The following UTP20 variants were observed in gnomAD, a reference collection of about 807,000 sequenced individuals.
The protein encoded by UTP20 is UTP20 small subunit processome component.
UTP20 carries 164 observed loss-of-function variants against 329.5 expected under a neutral mutation model. That is an observed-to-expected ratio of 0.50 (90% CI 0.44 to 0.57). UTP20 has a LOEUF of 0.57. UTP20 is among the 20% of genes least tolerant of loss of function. The probability of loss-of-function intolerance (pLI) is 0.00; values close to 1 mark genes in which losing one functional copy is unlikely to be tolerated. For missense variants in UTP20, 3,055 were observed against 3,284.2 expected (o/e 0.93, Z 1.71); for synonymous variants, 1,151 against 1,159.3 (o/e 0.99, Z 0.14).
chr12:101,370,284 A>C, intron 49 of UTP20, 148 bp from the exon 50 acceptor site: 1 of 976,750 alleles, frequency 1.0e-6, no homozygotes, highest in Non-Finnish European at 1.5e-6. Context: ...GTTATGGCCA[A>C]AATTTTTTCC....
intron 27 of UTP20, among the ~76,000 whole-genome samples, chr12:101,330,975 T>A (rs1350862350): frequency 6.6e-6 from 1 of 152,238 alleles, no homozygotes; most frequent in Non-Finnish European, 1.5e-5. Context: ...TTTATGTGCT[T>A]GAGCTCAGTT....
At chr12:101,348,174 T>C (rs1239897439) in intron 38 of UTP20, among the ~76,000 whole-genome samples, 1 of 152,186 alleles carries the variant, frequency 6.6e-6, no homozygotes, top group African/African-American at 2.4e-5. Context: ...ATTATGACTT[T>C]ACATTTAAGG....
intron 38 of UTP20, among the ~76,000 whole-genome samples, chr12:101,350,856 G>C (rs561767813): frequency 6.6e-6 from 1 of 152,192 alleles, no homozygotes; most frequent in African/African-American, 2.4e-5. Flanking sequence ...AAGACTCTAG[G>C]GGCTTGCTCT....
chr12:101,280,151 A>T lies in UTP20; in HGVS notation c.-132A>T, dbSNP rs746172358. On this transcript the variant is annotated 5_prime_UTR_variant, in exon 1 of 62. The change creates a new upstream start codon in the 5' untranslated region. Coordinates refer to ENST00000261637, the MANE Select transcript of UTP20 (RefSeq NM_014503.3). ...CAACATGGCGGCGCCCAGGGGCTCAAGCCGCACGTGAGAAAGTCTGGGCAT... is the reference window on the plus strand; with the variant it reads ...CAACATGGCGGCGCCCAGGGGCTCATGCCGCACGTGAGAAAGTCTGGGCAT... The T allele has an allele frequency of 1.6e-6, 2 of 1,224,102 alleles. No homozygotes were observed. The highest frequency in any genetic ancestry group is 1.5e-5 in the African/African-American group (1 of 64,848). 75.8% of individuals were successfully genotyped at this position (1,224,102 alleles called of 1,614,324 possible). A position where few individuals can be genotyped will look rare whatever the true frequency, so the allele number is the denominator to read the frequency against.
At chr12:101,380,275 G>T (rs1870598968) in intron 57 of UTP20, among the ~76,000 whole-genome samples, 1 of 152,016 alleles carries the variant, frequency 6.6e-6, no homozygotes, top group Non-Finnish European at 1.5e-5. Context: ...CTACTTGGGA[G>T]ACTTACATAG....
chr12:101,311,924 G>A (rs1347922312), intron 20 of UTP20, 112 bp from the exon 21 acceptor site: 1 of 1,559,372 alleles, frequency 6.4e-7, no homozygotes, highest in African/African-American at 1.4e-5. Flanking sequence ...ATAACTTTTG[G>A]GAGTGACATT....
chr12:101,336,358 A>AT (rs1868935041), intron 29 of UTP20, among the ~76,000 whole-genome samples: 1 of 152,180 alleles, frequency 6.6e-6, no homozygotes, highest in South Asian at 2.1e-4. Flanking sequence ...ATTAAAACAG[A>AT]TTTTTCATCT....
chr12:101,346,128 T>C (rs1869314957), intron 37 of UTP20, among the ~76,000 whole-genome samples: 2 of 152,146 alleles, frequency 1.3e-5, no homozygotes, highest in African/African-American at 4.8e-5. Flanking sequence ...CTCAGCTCAC[T>C]GTAACCTCCG....
Position 101,293,088 on chromosome 12 carries a change from C to T in UTP20, c.1174-80C>T, listed in dbSNP as rs75021058. On this transcript the variant is annotated intron_variant, in intron 10 of 61. Coordinates refer to ENST00000261637, the MANE Select transcript of UTP20 (RefSeq NM_014503.3). ...CACTGAGTGAAGTGTCCCTGCCATT[C>T]CCTTCTATAGCTGCTTGCTGGGGGG... is the stretch of plus-strand genomic sequence containing the variant. 1,656 of 1,412,786 alleles carry T rather than the reference C, an allele frequency of 1.2e-3. 13 individuals are homozygous for T. In the African/African-American group the frequency reaches 0.02, roughly 17 times the overall value. 87.5% of individuals were successfully genotyped at this position (1,412,786 alleles called of 1,614,324 possible).
In UTP20 at chr12:101,340,821, C is replaced by T. The variant is rs545522431; in HGVS notation, c.4101+211C>T. Among the ~76,000 whole-genome samples the T allele has an allele frequency of 1.6e-4, 25 of 152,084 alleles. No individual in the cohort carries two copies. In the East Asian group the frequency reaches 4.6e-3, roughly 28 times the overall value. ...GGGGCAGGCAAGAAAGCGGAGACAT[C>T]GTCATCTACAACAACAAAGTACTAG... On this transcript the variant is annotated intron_variant, in intron 32 of 61. Transcript: ENST00000261637.
In UTP20 at chr12:101,293,215, A is replaced by G. The variant is rs757902541; in HGVS notation, c.1221A>G (p.Glu407=). 2.1e-5 allele frequency: 34 copies of G among 1,614,000 alleles called. No homozygotes were observed. Among genetic ancestry groups the G allele is most frequent in the Admixed American group, 3.3e-5 (2 of 60,008 alleles). The part of the protein sequence containing the change: ...FEKRLIFSFS[E]VMFAMKQFEQ... ...AACGTTTAATTTTCAGTTTTTCTGA[A>G]GTCATGTTTGCCATGAAGCAGTTTG... is the stretch of plus-strand genomic sequence containing the variant. Residue 407 remains glutamate (E), a synonymous_variant, in exon 11 of 62, where the codon GAA becomes GAG. Transcript: ENST00000261637.
intron 2 of UTP20, 29 bp downstream of exon 2, chr12:101,281,225 C>T (rs1407257351): frequency 6.4e-7 from 1 of 1,568,570 alleles, no homozygotes; most frequent in Non-Finnish European, 8.8e-7. Flanking sequence ...AGTCAATCTT[C>T]AAGTGTTCAT....
intron 5 of UTP20, among the ~76,000 whole-genome samples, chr12:101,286,785 T>C (rs1384704200): frequency 6.6e-6 from 1 of 152,022 alleles, no homozygotes; most frequent in East Asian, 1.9e-4. Flanking sequence ...ATTAATAAAA[T>C]TTTGTACTCT....
chr12:101,281,599 T>A (rs993157920), intron 2 of UTP20, among the ~76,000 whole-genome samples: 2 of 152,158 alleles, frequency 1.3e-5, no homozygotes, highest in Admixed American at 1.3e-4. Flanking sequence ...GAAGCCCTTT[T>A]CCCGGGGCTT....
chr12:101,320,857 G>A lies in UTP20; in HGVS notation c.2835G>A (p.Leu945=), dbSNP rs1868356261. The A allele has an allele frequency of 6.2e-7, 1 of 1,609,894 alleles. No homozygotes were observed. The highest frequency in any genetic ancestry group is 8.5e-7 in the Non-Finnish European group (1 of 1,178,890). Reference sequence around the variant, plus strand: ...CTGTAAAATACTGTTCTTAGTTGTTGCTACACCAAGATCAAATGGTGCAAA... The same window carrying A: ...CTGTAAAATACTGTTCTTAGTTGTTACTACACCAAGATCAAATGGTGCAAA... ...SKLYELYLQL[L]LHQDQMVQKI... The change falls in exon 24 of 62, where the codon TTG becomes TTA. Residue 945 remains leucine (L), a synonymous_variant. Coordinates refer to ENST00000261637, the MANE Select transcript of UTP20 (RefSeq NM_014503.3).
intron 18 of UTP20, among the ~76,000 whole-genome samples, chr12:101,308,824 C>T (rs986138331): frequency 6.6e-6 from 1 of 151,898 alleles, no homozygotes; most frequent in African/African-American, 2.4e-5. Context: ...GCTCAGCCTC[C>T]CGGGTTCACA....
In UTP20 at chr12:101,355,091, C is replaced by T. The variant is rs775352523; in HGVS notation, c.5367C>T (p.Pro1789=). Residue 1789 remains proline (P), a synonymous_variant, in exon 41 of 62, where the codon CCC becomes CCT. Transcript: ENST00000261637. ...GAACCATAACCGGGGATATTCTCCC[C>T]AGGCTACATAAATGCCTTGCATCTA... ...IQGTITGDIL[P]RLHKCLASTT... The T allele has an allele frequency of 6.1e-5, 98 of 1,613,846 alleles. No individual in the cohort carries two copies. Among genetic ancestry groups the T allele is most frequent in the Admixed American group, 2.0e-4 (12 of 59,934 alleles).
intron 12 of UTP20, among the ~76,000 whole-genome samples, chr12:101,296,644 A>C (rs1872365536): frequency 1.3e-5 from 2 of 151,862 alleles, no homozygotes; most frequent in Non-Finnish European, 2.9e-5. Flanking sequence ...GGTACTGAGG[A>C]GGCTGAGGCA....
In UTP20 at chr12:101,355,007, T is replaced by G. The variant is rs1001825378; in HGVS notation, c.5283T>G (p.Pro1761=). 1.2e-6 allele frequency: 2 copies of G among 1,614,102 alleles called. No homozygotes were observed. Among genetic ancestry groups the G allele is most frequent in the Non-Finnish European group, 8.5e-7 (1 of 1,180,050 alleles). ...SAKESECITK[P]VSFLPQNKEE... is the part of the protein sequence containing the mutation. ...AAGAATCCGAGTGTATCACAAAGCC[T>G]GTCTCTTTCCTTCCTCAAAACAAGG... The change falls in exon 41 of 62, where the codon CCT becomes CCG. Residue 1761 remains proline (P), a synonymous_variant. Transcript: ENST00000261637.
Sources: allele counts gnomAD v4.1 joint callset (sites outside exome capture counted in the v4.1 genomes callset), GRCh38; gene constraint gnomAD v4.1.1; transcripts MANE v1.5; gene names NCBI Gene and HGNC (gene_info 2026-07-23, HGNC 2026-07-21).